The following NCAM2 variants were observed in gnomAD, a reference collection of about 807,000 sequenced individuals.
NCAM2 encodes N-CAM-2.
In NCAM2, 30 loss-of-function variants were observed where a neutral mutation model predicts 98.1. The ratio of observed to expected loss-of-function variants is 0.31; its 90% CI spans 0.23 to 0.41. NCAM2 has a LOEUF of 0.41. Among genes scored for constraint, NCAM2 ranks in the 10% least tolerant of loss-of-function variants. The pLI is 1.00. For synonymous variants in NCAM2, 368 were observed against 342.4 expected (o/e 1.07, Z -0.83); for missense variants, 867 against 1,005.8 (o/e 0.86, Z 1.87).
At chr21:21,182,846 C>T (rs970742657) in intron 1 of NCAM2, among the ~76,000 whole-genome samples, 2 of 152,140 alleles carry the variant, frequency 1.3e-5, no homozygotes, top group Non-Finnish European at 2.9e-5. Context: ...TATACGTAGG[C>T]CTCATCCAAA....
chr21:21,340,873 C>T (rs1355188417), intron 8 of NCAM2, among the ~76,000 whole-genome samples: 1 of 151,854 alleles, frequency 6.6e-6, no homozygotes, highest in Non-Finnish European at 1.5e-5. Context: ...TATTTGAACT[C>T]TTTTTAATAT....
In NCAM2 at chr21:21,510,493, C is replaced by A. The variant is rs565680065; in HGVS notation, c.2282+1438C>A. On this transcript the variant is annotated intron_variant, in intron 16 of 17. Coordinates refer to ENST00000400546, the MANE Select transcript of NCAM2 (RefSeq NM_004540.5). The stretch of plus-strand genomic sequence containing the variant: ...TCAAAAATGTTGTATTAGGACCATT[C>A]ATGTTTTGTATTTCAAGGACTGATG... Among the ~76,000 whole-genome samples the A allele has an allele frequency of 2.0e-5, 3 of 152,176 alleles. No individual in the cohort carries two copies. The South Asian group carries it at 6.2e-4, about 32-fold the overall frequency.
At chr21:21,022,390 G>A (rs751207699) in intron 1 of NCAM2, among the ~76,000 whole-genome samples, 9 of 152,110 alleles carry the variant, frequency 5.9e-5, no homozygotes, top group Non-Finnish European at 1.2e-4. Flanking sequence ...AGAAGACTTT[G>A]TGTATATAAT....
At chr21:21,419,423 A>C (rs1419230161) in intron 11 of NCAM2, among the ~76,000 whole-genome samples, 2 of 148,180 alleles carry the variant, frequency 1.3e-5, no homozygotes, top group Non-Finnish European at 3.0e-5. Flanking sequence ...GGTTAGTTAC[A>C]TATGTATACA....
At chr21:21,440,705 A>C (rs987548909) in intron 12 of NCAM2, among the ~76,000 whole-genome samples, 2 of 151,934 alleles carry the variant, frequency 1.3e-5, no homozygotes, top group African/African-American at 4.8e-5. Context: ...AAAGAAAAGA[A>C]AAGAAAAGAA....
At position 21,468,738 on chromosome 21, in the gene NCAM2, C is replaced by A; in HGVS notation, c.1851C>A (p.Asp617Glu). The change falls in exon 14 of 18, where the codon GAC (aspartate) becomes GAA (glutamate). Residue 617 changes from aspartate to glutamate, a missense_variant. By Grantham distance (45) the Asp-to-Glu change is conservative. Around this residue, in one of 5 missense-constraint regions of NCAM2, gnomAD observed 234 missense variants for 333.8 expected, o/e 0.70. Transcript: ENST00000400546. ...TTAAACTCAGCATCACCAAACAGGA[C>A]GATGGAGGGGCCCCTATTTTGGAAT... ...KSFKLSITKQ[D>E]DGGAPILEYI... is the part of the protein sequence containing the mutation. 6.2e-7 allele frequency: 1 copy of A among 1,611,442 alleles called. No individual in the cohort carries two copies. The highest frequency in any genetic ancestry group is 8.5e-7 in the Non-Finnish European group (1 of 1,178,400).
chr21:21,287,315 G>A (rs2073137337), intron 4 of NCAM2, among the ~76,000 whole-genome samples: 1 of 151,944 alleles, frequency 6.6e-6, no homozygotes, highest in South Asian at 2.1e-4. Context: ...TTGAATATGT[G>A]GGGAGAATGT....
At chr21:21,258,095 C>G (rs559222834) in intron 1 of NCAM2, among the ~76,000 whole-genome samples, 1 of 152,310 alleles carries the variant, frequency 6.6e-6, no homozygotes, top group East Asian at 1.9e-4. Context: ...AGGACAGATT[C>G]ACACACTTTT....
At chr21:21,016,961 T>G (rs981679190) in intron 1 of NCAM2, among the ~76,000 whole-genome samples, 5 of 152,172 alleles carry the variant, frequency 3.3e-5, no homozygotes, top group Admixed American at 6.6e-5. Context: ...TGCATACCCT[T>G]GTCTAGTCCT....
intron 4 of NCAM2, 31 bp downstream of exon 4, chr21:21,286,443 T>A (rs917562721): frequency 2.5e-6 from 4 of 1,604,934 alleles, no homozygotes; most frequent in Middle Eastern, 1.7e-4. Context: ...CTAAGTTATA[T>A]GTTCTAATAC....
At chr21:21,438,446 A>G (rs776717996) in intron 12 of NCAM2, among the ~76,000 whole-genome samples, 2 of 152,098 alleles carry the variant, frequency 1.3e-5, no homozygotes, top group Non-Finnish European at 2.9e-5. Flanking sequence ...ATTCTTTTTG[A>G]AGGTTTAGCT....
chr21:21,336,563 A>T (rs2074876608), intron 7 of NCAM2, among the ~76,000 whole-genome samples: 1 of 141,584 alleles, frequency 7.1e-6, no homozygotes. Flanking sequence ...AAGTATAATA[A>T]AAAAAAAAAG....
At chr21:21,147,749 A>G (rs974891577) in intron 1 of NCAM2, among the ~76,000 whole-genome samples, 1 of 148,404 alleles carries the variant, frequency 6.7e-6, no homozygotes, top group Admixed American at 6.8e-5. Context: ...AAAAGCGTAC[A>G]TGTTTTTGAT....
chr21:21,353,520 T>C (rs1287661094), intron 8 of NCAM2, among the ~76,000 whole-genome samples: 1 of 152,140 alleles, frequency 6.6e-6, no homozygotes, highest in East Asian at 1.9e-4. Flanking sequence ...TACAGGCGAG[T>C]GCACATAAGG....
At chr21:21,071,870 CCTATCTATCTATCTATCTATCTAT>C (rs35549924) in intron 1 of NCAM2, among the ~76,000 whole-genome samples, 9 of 138,172 alleles carry the variant, frequency 6.5e-5, no homozygotes, top group Middle Eastern at 3.6e-3. Flanking sequence ...GTCATGTCTG[CCTATCTATCTATCTATCTATCTAT>C]CTATCTATCT....
At chr21:21,074,925 T>G (rs2065648258) in intron 1 of NCAM2, among the ~76,000 whole-genome samples, 1 of 152,150 alleles carries the variant, frequency 6.6e-6, no homozygotes, top group African/African-American at 2.4e-5. Flanking sequence ...TAGCAAAGAC[T>G]TGGAACTAAC....
At chr21:21,107,045 C>A (rs558328858) in intron 1 of NCAM2, among the ~76,000 whole-genome samples, 3 of 152,004 alleles carry the variant, frequency 2.0e-5, no homozygotes, top group Non-Finnish European at 4.4e-5. Context: ...AATCTAAAAT[C>A]AGTAAGAAAT....
At chr21:21,257,850 G>T (rs1032478714) in intron 1 of NCAM2, among the ~76,000 whole-genome samples, 2 of 152,130 alleles carry the variant, frequency 1.3e-5, no homozygotes, top group Non-Finnish European at 2.9e-5. Context: ...CAAAGTGCTG[G>T]GATTACAGGC....
intron 1 of NCAM2, among the ~76,000 whole-genome samples, chr21:21,214,746 T>TATATATATATATATATATATACATAC (rs11268201): frequency 9.9e-6 from 1 of 100,608 alleles, no homozygotes; most frequent in Admixed American, 1.1e-4. Context: ...TATATATATA[T>TATATATATATATATATATATACATAC]ACACTATATA....
Sources: allele counts gnomAD v4.1 joint callset (sites outside exome capture counted in the v4.1 genomes callset), GRCh38; gene constraint gnomAD v4.1.1; regional missense constraint gnomAD v4.1.1; transcripts MANE v1.5; gene names NCBI Gene and HGNC (gene_info 2026-07-23, HGNC 2026-07-21).